Variants in LRRC8A observed in about 807,000 individuals in gnomAD.
The protein encoded by LRRC8A is volume-regulated anion channel subunit LRRC8A.
LRRC8A carries 24 observed loss-of-function variants against 52.5 expected under a neutral mutation model. That is an observed-to-expected ratio of 0.46 (90% CI 0.33 to 0.64). The LOEUF (loss-of-function observed/expected upper bound fraction) is 0.64. LRRC8A is among the 30% of genes least tolerant of loss of function. The pLI is 0.02. For missense variants in LRRC8A, 677 were observed against 1,094.7 expected (o/e 0.62, Z 5.38); for synonymous variants, 492 against 494.2 (o/e 1.00, Z 0.06).
intron 2 of LRRC8A, among the ~76,000 whole-genome samples, chr9:128,901,734 C>T (rs1366256674): frequency 6.6e-6 from 1 of 152,200 alleles, no homozygotes; most frequent in Non-Finnish European, 1.5e-5. Context: ...AGTCCAGGCC[C>T]ACACCTTGGT....
rs750143245 is a variant in LRRC8A, at chr9:128,902,420, C to T, written c.-8-4737C>T. ...CTCAGAAGGAGGAGTCTGGGTGGTACAGACAAGCCCCAGGTCGGCGGGGCT... is the reference window on the plus strand; with the variant it reads ...CTCAGAAGGAGGAGTCTGGGTGGTATAGACAAGCCCCAGGTCGGCGGGGCT... On this transcript the variant is annotated intron_variant, in intron 2 of 3. Transcript: ENST00000372600. The surrounding 1 kb of genome is among the most constrained non-coding windows in gnomAD (Gnocchi z 4.1). Among the ~76,000 whole-genome samples the T allele has an allele frequency of 1.3e-5, 2 of 152,146 alleles. No individual in the cohort carries two copies. Among genetic ancestry groups the T allele is most frequent in the Non-Finnish European group, 2.9e-5 (2 of 68,022 alleles).
intron 2 of LRRC8A, among the ~76,000 whole-genome samples, chr9:128,894,898 A>G (rs546398103): frequency 9.2e-5 from 14 of 152,246 alleles, no homozygotes; most frequent in South Asian, 4.2e-4. Context: ...GTACACTTCA[A>G]TGGTATTAAG....
intron 2 of LRRC8A, among the ~76,000 whole-genome samples, chr9:128,896,303 C>T (rs1839821460): frequency 1.3e-5 from 2 of 152,228 alleles, no homozygotes; most frequent in African/African-American, 2.4e-5. Flanking sequence ...ATTAGAACAA[C>T]GTATCCTTTC....
At position 128,908,059 on chromosome 9, in the gene LRRC8A, A is replaced by G; in HGVS notation, c.895A>G (p.Ile299Val). ...IKFDVDCTVDIESLTGYRTYR... is the reference protein window; with the variant it reads ...IKFDVDCTVDVESLTGYRTYR... ...GTTCGACGTGGACTGCACCGTGGAC[A>G]TTGAGAGCCTGACGGGCTACCGCAC... The change falls in exon 3 of 4, where the codon ATT becomes GTT. Residue 299 changes from isoleucine (I) to valine (V), a missense_variant. Around this residue, in one of 4 missense-constraint regions of LRRC8A, gnomAD observed 422 missense variants for 741.5 expected, o/e 0.57. Coordinates refer to ENST00000372600, the MANE Select transcript of LRRC8A (RefSeq NM_019594.4). 6.2e-7 allele frequency: 1 copy of G among 1,614,082 alleles called. No homozygotes were observed. The highest frequency in any genetic ancestry group is 8.5e-7 in the Non-Finnish European group (1 of 1,180,016).
At chr9:128,890,988 A>G (rs909743267) in intron 2 of LRRC8A, among the ~76,000 whole-genome samples, 2 of 151,622 alleles carry the variant, frequency 1.3e-5, no homozygotes, top group Non-Finnish European at 2.9e-5. Context: ...CTCTACAAAA[A>G]TAAAAAAAAA....
chr9:128,909,757 C>G (rs781482691), intron 3 of LRRC8A, among the ~76,000 whole-genome samples: 1 of 152,174 alleles, frequency 6.6e-6, no homozygotes, highest in Non-Finnish European at 1.5e-5. Context: ...TGTTCCCAGT[C>G]GGACTTGGAG....
At chr9:128,901,797 C>T (rs534561045) in intron 2 of LRRC8A, among the ~76,000 whole-genome samples, 19 of 152,256 alleles carry the variant, frequency 1.2e-4, no homozygotes, top group African/African-American at 3.1e-4. Context: ...GGAGCCTGCC[C>T]CTGTAGGGGG....
intron 2 of LRRC8A, among the ~76,000 whole-genome samples, chr9:128,906,316 A>ATTTT (rs71383620): frequency 1.6e-3 from 128 of 79,232 alleles, no homozygotes; most frequent in East Asian, 3.7e-3. Context: ...CCCATGTGGA[A>ATTTT]TTTTTTTTTT....
At chr9:128,886,558 G>A (rs746489675) in intron 2 of LRRC8A, among the ~76,000 whole-genome samples, 2 of 152,156 alleles carry the variant, frequency 1.3e-5, no homozygotes, top group Admixed American at 6.6e-5. Context: ...AATCAGAGCC[G>A]TCATCAGGAT....
At chr9:128,890,563 C>T (rs75206597) in intron 2 of LRRC8A, among the ~76,000 whole-genome samples, 3,040 of 152,246 alleles carry the variant, frequency 0.02, 107 homozygotes, top group African/African-American at 0.069. Context: ...AGGGACACCT[C>T]GCATCTCCCA....
chr9:128,913,418 A>C lies in LRRC8A; in HGVS notation c.2158-2678A>C, dbSNP rs117460230. Among the ~76,000 whole-genome samples, 558 of 152,114 alleles carry C rather than the reference A, an allele frequency of 3.7e-3. 8 individuals carry two copies. In the East Asian group the frequency reaches 0.042, roughly 11 times the overall value. ...CTCTGGGGAGGTAGGAGAGGGTGCA[A>C]TTGGGGGATTGGGAACCAACTTCAA... On this transcript the variant is annotated intron_variant, in intron 3 of 3. Transcript: ENST00000372600.
intron 1 of LRRC8A, among the ~76,000 whole-genome samples, chr9:128,885,655 C>T (rs1392727012): frequency 6.6e-6 from 1 of 152,156 alleles, no homozygotes; most frequent in Non-Finnish European, 1.5e-5. Flanking sequence ...TGCCTGTAAT[C>T]CCAATACTTT....
intron 2 of LRRC8A, among the ~76,000 whole-genome samples, chr9:128,900,951 G>C (rs547655588): frequency 6.6e-6 from 1 of 152,148 alleles, no homozygotes; most frequent in South Asian, 2.1e-4. Context: ...GAGGTGGGCA[G>C]ATCATGAGGT....
intron 2 of LRRC8A, among the ~76,000 whole-genome samples, chr9:128,898,130 C>A (rs1813172945): frequency 6.7e-6 from 1 of 150,062 alleles, no homozygotes; most frequent in Non-Finnish European, 1.5e-5. Flanking sequence ...ATTTAACATA[C>A]TTTGAACATT....
intron 2 of LRRC8A, among the ~76,000 whole-genome samples, chr9:128,896,625 G>A (rs60412650): frequency 0.048 from 7,325 of 152,162 alleles, 199 homozygotes; most frequent in African/African-American, 0.077. Flanking sequence ...TTGCCTATGC[G>A]TATATTTTGC....
intron 2 of LRRC8A, among the ~76,000 whole-genome samples, chr9:128,889,548 T>A (rs1839521947): frequency 6.6e-6 from 1 of 151,420 alleles, no homozygotes; most frequent in Non-Finnish European, 1.5e-5. Context: ...CAGGCTGGAG[T>A]GCAGTGGCAC....
At chr9:128,890,522 C>T (rs1032753626) in intron 2 of LRRC8A, among the ~76,000 whole-genome samples, 6 of 152,130 alleles carry the variant, frequency 3.9e-5, no homozygotes, top group African/African-American at 7.2e-5. Context: ...TGACCAGCAG[C>T]GGGGGCGGTG....
chr9:128,913,761 T>C (rs1840670162), intron 3 of LRRC8A, among the ~76,000 whole-genome samples: 1 of 152,224 alleles, frequency 6.6e-6, no homozygotes, highest in African/African-American at 2.4e-5. Context: ...GGGAAGGCTC[T>C]GGCCCCTGGG....
intron 2 of LRRC8A, among the ~76,000 whole-genome samples, chr9:128,890,169 T>TGC (rs1554821416): frequency 4.0e-5 from 6 of 148,452 alleles, no homozygotes; most frequent in Admixed American, 2.7e-4. Context: ...TGTGTGTGTG[T>TGC]GCTGGGAAGG....
Sources: gnomAD v4.1 joint callset for allele counts (sites outside exome capture counted in the v4.1 genomes callset) on GRCh38, gnomAD v4.1.1 for gene constraint, gnomAD v4.1.1 regional missense constraint, Gnocchi (gnomAD v3.1) non-coding constraint, MANE v1.5 for transcripts, NCBI Gene and HGNC (gene_info 2026-07-23, HGNC 2026-07-21) for gene names.